Variants in CACNA1D observed in about 807,000 individuals in gnomAD.
The protein encoded by CACNA1D is calcium voltage-gated channel subunit alpha1 D.
In CACNA1D, 55 loss-of-function variants were observed where a neutral mutation model predicts 257.1. That is an observed-to-expected ratio of 0.21 (90% CI 0.17 to 0.27). The LOEUF is 0.27. CACNA1D is among the 10% of genes least tolerant of loss of function. The probability of loss-of-function intolerance (pLI) is 1.00; values close to 1 mark genes in which losing one functional copy is unlikely to be tolerated. For missense variants in CACNA1D, 1,876 were observed against 2,784.0 expected (o/e 0.67, Z 7.34); for synonymous variants, 980 against 1,014.9 (o/e 0.97, Z 0.65).
chr3:53,565,818 A>G (rs1307674978), intron 3 of CACNA1D, among the ~76,000 whole-genome samples: 1 of 152,168 alleles, frequency 6.6e-6, no homozygotes, highest in Non-Finnish European at 1.5e-5. Flanking sequence ...TTGGTACTTA[A>G]TACTGTCTAT....
intron 3 of CACNA1D, among the ~76,000 whole-genome samples, chr3:53,597,386 T>C (rs543667829): frequency 4.6e-5 from 7 of 152,292 alleles, no homozygotes; most frequent in Admixed American, 1.3e-4. Context: ...GCTCAGAGGG[T>C]GAGCAGTTTG....
intron 3 of CACNA1D, among the ~76,000 whole-genome samples, chr3:53,502,320 T>C (rs1229589509): frequency 6.6e-6 from 1 of 152,226 alleles, no homozygotes; most frequent in Non-Finnish European, 1.5e-5. Context: ...TAAATCAGGA[T>C]GCTTCCATAT....
At chr3:53,524,988 C>T (rs1300392848) in intron 3 of CACNA1D, among the ~76,000 whole-genome samples, 1 of 152,170 alleles carries the variant, frequency 6.6e-6, no homozygotes, top group Non-Finnish European at 1.5e-5. Flanking sequence ...GAGAGTGGAA[C>T]TGTGCCCTCC....
At chr3:53,532,060 T>C (rs1178048547) in intron 3 of CACNA1D, among the ~76,000 whole-genome samples, 1 of 152,208 alleles carries the variant, frequency 6.6e-6, no homozygotes, top group Non-Finnish European at 1.5e-5. Context: ...GGGTAATGTT[T>C]ATAGCCAAGG....
chr3:53,497,148 C>G lies in CACNA1D; in HGVS notation c.68-4C>G, dbSNP rs2090387275. 8 of 1,613,596 alleles carry G rather than the reference C, an allele frequency of 5.0e-6. No homozygotes were observed. Among genetic ancestry groups the G allele is most frequent in the Non-Finnish European group, 5.9e-6 (7 of 1,179,814 alleles). Reference sequence around the variant, plus strand: ...AAAATCTTTGTTTTTCTCCTTCTCCCCAGAGGCAAACTATGCAAGAGGCAC... The same window carrying G: ...AAAATCTTTGTTTTTCTCCTTCTCCGCAGAGGCAAACTATGCAAGAGGCAC... On this transcript the variant is annotated splice_region_variant and splice_polypyrimidine_tract_variant and intron_variant, in intron 1 of 47. Coordinates refer to ENST00000350061, the MANE Select transcript of CACNA1D (RefSeq NM_001128840.3).
chr3:53,644,344 T>C (rs1357239895), intron 3 of CACNA1D, among the ~76,000 whole-genome samples: 1 of 152,220 alleles, frequency 6.6e-6, no homozygotes, highest in Non-Finnish European at 1.5e-5. Context: ...AATGCAGTCT[T>C]AGCAATTTTC....
At chr3:53,652,962 C>G (rs2094112405) in intron 4 of CACNA1D, among the ~76,000 whole-genome samples, 1 of 152,126 alleles carries the variant, frequency 6.6e-6, no homozygotes, top group African/African-American at 2.4e-5. Context: ...TGAAAAGAAG[C>G]AAACTAGGCT....
chr3:53,681,608 A>G (rs940549458), intron 8 of CACNA1D, among the ~76,000 whole-genome samples: 3 of 152,148 alleles, frequency 2.0e-5, no homozygotes, highest in Non-Finnish European at 4.4e-5. Context: ...CACCAGGGTT[A>G]CGGTGGTGGG....
At chr3:53,775,164 C>G (rs2095389900) in intron 34 of CACNA1D, among the ~76,000 whole-genome samples, 1 of 152,222 alleles carries the variant, frequency 6.6e-6, no homozygotes, top group South Asian at 2.1e-4. Context: ...TTCTAGAGAT[C>G]ATGAAGTATT....
intron 40 of CACNA1D, among the ~76,000 whole-genome samples, chr3:53,790,336 A>G (rs553894634): frequency 6.6e-6 from 1 of 152,360 alleles, no homozygotes; most frequent in Admixed American, 6.5e-5. Context: ...ACAGACACTC[A>G]TTAGTCCAGT....
rs1471633480 is a variant in CACNA1D, at chr3:53,810,250, G to C, written c.6144G>C (p.Arg2048=). 1 of 1,613,764 alleles carries C rather than the reference G, an allele frequency of 6.2e-7. No individual in the cohort carries two copies. Among genetic ancestry groups the C allele is most frequent in the African/African-American group, 1.3e-5 (1 of 74,902 alleles). Residue 2048 remains arginine (R), a synonymous_variant, in exon 47 of 48, where the codon CGG becomes CGC. Coordinates refer to ENST00000350061, the MANE Select transcript of CACNA1D (RefSeq NM_001128840.3). ...GCCTGACTGTCCCCAGCAGCTTCCG[G>C]AACAAAAACAGCGACAAGCAGAGGA... ...PASLTVPSSF[R]NKNSDKQRSA... is the part of the protein sequence containing the mutation.
intron 3 of CACNA1D, among the ~76,000 whole-genome samples, chr3:53,612,837 A>G (rs190881308): frequency 4.3e-4 from 66 of 152,310 alleles, no homozygotes; most frequent in Admixed American, 6.5e-4. Context: ...CAGGCATTAC[A>G]GTCTTCACTG....
chr3:53,571,007 C>T (rs1308081538), intron 3 of CACNA1D, among the ~76,000 whole-genome samples: 1 of 152,224 alleles, frequency 6.6e-6, no homozygotes, highest in Non-Finnish European at 1.5e-5. Context: ...GGCAAGTCTG[C>T]TGGCTGCCTC....
rs568474602 is a variant in CACNA1D at position 53,811,512 on chromosome 3, T to G, written c.*106T>G. On this transcript the variant is annotated 3_prime_UTR_variant, in exon 48 of 48. Transcript: ENST00000350061. This position sits in a 1 kb window ranked among gnomAD's most constrained non-coding sequence, Gnocchi z 4.2. Reference sequence around the variant, plus strand: ...GTTTAGGCACTAGTTGGGAGTAATATTCAATTAATTAGACTTTTGTATAAG... The same window carrying G: ...GTTTAGGCACTAGTTGGGAGTAATAGTCAATTAATTAGACTTTTGTATAAG... 6.8e-6 allele frequency: 6 copies of G among 880,796 alleles called. No individual in the cohort carries two copies. The East Asian group carries it at 1.3e-4, about 20-fold the overall frequency. 54.6% of individuals were successfully genotyped at this position (880,796 alleles called of 1,614,324 possible).
intron 3 of CACNA1D, among the ~76,000 whole-genome samples, chr3:53,554,701 C>A (rs560794426): frequency 1.3e-5 from 2 of 152,338 alleles, no homozygotes; most frequent in South Asian, 2.1e-4. Flanking sequence ...GCTTTTGCTG[C>A]GTGAGGTTAA....
chr3:53,665,557 T>C, intron 5 of CACNA1D, 103 bp from the exon 6 acceptor site: 3 of 877,706 alleles, frequency 3.4e-6, no homozygotes, highest in Non-Finnish European at 5.7e-6. Context: ...TTGAATTTTA[T>C]TACTATGTGT....
At position 53,789,230 on chromosome 3, in the gene CACNA1D, T is replaced by C. The variant is rs929479960; in HGVS notation, c.4923+2278T>C. On this transcript the variant is annotated intron_variant, in intron 40 of 47. Coordinates refer to ENST00000350061, the MANE Select transcript of CACNA1D (RefSeq NM_001128840.3). The surrounding 1 kb of genome is among the most constrained non-coding windows in gnomAD (Gnocchi z 4.2). ...ACCAACATATTTTCGCATGGCTCCA[T>C]TGGGAGCTGAAGCATCGTCTGTAAT... Among the ~76,000 whole-genome samples the C allele has an allele frequency of 1.1e-4, 17 of 152,220 alleles. No homozygotes were observed. The highest frequency in any genetic ancestry group is 1.5e-4 in the Non-Finnish European group (10 of 68,036).
chr3:53,593,624 C>G (rs1017770783), intron 3 of CACNA1D, among the ~76,000 whole-genome samples: 1 of 152,030 alleles, frequency 6.6e-6, no homozygotes, highest in Non-Finnish European at 1.5e-5. Context: ...GGAAATCCCT[C>G]TTGGTGTTGA....
At chr3:53,549,445 C>CT (rs1295586636) in intron 3 of CACNA1D, among the ~76,000 whole-genome samples, 135 of 152,288 alleles carry the variant, frequency 8.9e-4, no homozygotes, top group Non-Finnish European at 1.7e-3. Context: ...GACTTGTTGA[C>CT]TTGCTGAAGG....
Sources: allele counts gnomAD v4.1 joint callset (sites outside exome capture counted in the v4.1 genomes callset), GRCh38; gene constraint gnomAD v4.1.1; non-coding constraint Gnocchi (gnomAD v3.1); transcripts MANE v1.5; gene names NCBI Gene and HGNC (gene_info 2026-07-23, HGNC 2026-07-21).